The following SLCO6A1 variants were observed in gnomAD, a reference collection of about 807,000 sequenced individuals.
SLCO6A1 encodes the protein solute carrier organic anion transporter family member 6A1, also known as cancer/testis antigen 48.
SLCO6A1 carries 65 observed loss-of-function variants against 72.7 expected under a neutral mutation model. The ratio of observed to expected loss-of-function variants is 0.89; its 90% CI spans 0.73 to 1.10. The LOEUF (loss-of-function observed/expected upper bound fraction) is 1.10. Among genes scored for constraint, SLCO6A1 ranks in the 50% least tolerant of loss-of-function variants. SLCO6A1 has a pLI of 0.00. For synonymous variants in SLCO6A1, 314 were observed against 298.2 expected, an observed-to-expected ratio of 1.05 and a Z score of -0.55; for missense variants, 874 against 872.6, an observed-to-expected ratio of 1.00 and a Z score of -0.02.
chr5:102,458,393 C>G lies in SLCO6A1; in HGVS notation c.1120G>C (p.Ala374Pro). ...ATATTTTACTTTACCCAAAGAGCAGCACATAAATCCTTGATATTAGTTCCA... is the reference window on the plus strand; with the variant it reads ...ATATTTTACTTTACCCAAAGAGCAGGACATAAATCCTTGATATTAGTTCCA... The part of the protein sequence containing the change: ...KLGTNIKDLC[A>P]ALWILMKNPV... Residue 374 changes from alanine (A) to proline (P), a missense_variant, in exon 6 of 14, where the codon GCT (alanine) becomes CCT (proline). Transcript: ENST00000506729. 6.2e-7 allele frequency: 1 copy of G among 1,607,858 alleles called. No individual in the cohort carries two copies. The highest frequency in any genetic ancestry group is 8.5e-7 in the Non-Finnish European group (1 of 1,176,038).
In SLCO6A1 at chr5:102,459,662, T is replaced by C; in HGVS notation, c.1015A>G (p.Met339Val). 6.3e-7 allele frequency: 1 copy of C among 1,582,690 alleles called. No homozygotes were observed. The highest frequency in any genetic ancestry group is 8.5e-7 in the Non-Finnish European group (1 of 1,171,092). Residue 339 changes from methionine (M) to valine (V), a missense_variant, in exon 5 of 14, where the codon ATG becomes GTG. Physicochemically the swap from Met to Val is conservative, Grantham distance 21 (BLOSUM62 1). Coordinates refer to ENST00000506729, the MANE Select transcript of SLCO6A1 (RefSeq NM_173488.5). ...AATTACATTTTATAGTCACCTGGCA[T>C]ATTGTTTGGAAAGCATGACAATGGT... ...LIPLSCFPNN[M>V]PGSTRIKARK...
Position 102,419,743 on chromosome 5 carries a change from T to A in SLCO6A1, c.1472+83A>T, listed in dbSNP as rs144702517. The A allele has an allele frequency of 2.7e-3, 2,921 of 1,068,292 alleles. 3 individuals are homozygous for A. The highest frequency in any genetic ancestry group is 3.7e-3 in the Non-Finnish European group (2,714 of 735,146). The allele number at this position is 1,068,292 out of a possible 1,614,324, so 66.2% of individuals were successfully genotyped here. On this transcript the variant is annotated intron_variant, in intron 8 of 13. Transcript: ENST00000506729. ...AATAATTATATGAACATATAAGGGT[T>A]ACTGGATAGATAATTATTAATTGCC...
At chr5:102,404,048 C>A (rs1233060683) in intron 9 of SLCO6A1, among the ~76,000 whole-genome samples, 1 of 152,120 alleles carries the variant, frequency 6.6e-6, no homozygotes, top group Admixed American at 6.5e-5. Context: ...ATTCCTATAA[C>A]TTGCCAATTT....
At chr5:102,423,137 G>C (rs1321589975) in intron 7 of SLCO6A1, among the ~76,000 whole-genome samples, 1 of 151,986 alleles carries the variant, frequency 6.6e-6, no homozygotes, top group Admixed American at 6.6e-5. Flanking sequence ...ACTAAATATG[G>C]GAAGGAAAAA....
intron 6 of SLCO6A1, among the ~76,000 whole-genome samples, chr5:102,457,492 C>A (rs1323788794): frequency 6.6e-6 from 1 of 152,004 alleles, no homozygotes; most frequent in Non-Finnish European, 1.5e-5. Context: ...CCAAAAGACA[C>A]ATGAAAAAAT....
intron 6 of SLCO6A1, among the ~76,000 whole-genome samples, chr5:102,445,776 T>C (rs1750076098): frequency 3.3e-5 from 5 of 152,192 alleles, no homozygotes; most frequent in Admixed American, 3.3e-4. Flanking sequence ...CCAGTTTCAA[T>C]TCCACATATA....
At chr5:102,453,745 G>T (rs956045821) in intron 6 of SLCO6A1, among the ~76,000 whole-genome samples, 1 of 152,110 alleles carries the variant, frequency 6.6e-6, no homozygotes, top group South Asian at 2.1e-4. Flanking sequence ...GGCTTCCCAG[G>T]AGTCACCCTG....
chr5:102,498,442 G>T (rs527950889), intron 1 of SLCO6A1, 45 bp downstream of exon 1: 1 of 1,561,782 alleles, frequency 6.4e-7, no homozygotes, highest in African/African-American at 1.4e-5. Context: ...CGCCAGTGCG[G>T]CCCCAGCTGC....
At chr5:102,382,234 A>G (rs2060980134) in intron 12 of SLCO6A1, among the ~76,000 whole-genome samples, 1 of 151,690 alleles carries the variant, frequency 6.6e-6, no homozygotes, top group Admixed American at 6.6e-5. Context: ...TCTCTGTGCC[A>G]TTTATTGAAA....
At chr5:102,496,876 C>T (rs566165511) in intron 1 of SLCO6A1, among the ~76,000 whole-genome samples, 301 of 152,284 alleles carry the variant, frequency 2.0e-3, no homozygotes, top group Middle Eastern at 3.4e-3. Context: ...TTCATTAACT[C>T]GCTTCCCTAT....
rs752146262 is a variant in SLCO6A1 at position 102,475,806 on chromosome 5, C to T, written c.803-13G>A. On this transcript the variant is annotated splice_polypyrimidine_tract_variant and intron_variant, in intron 3 of 13. Coordinates refer to ENST00000506729, the MANE Select transcript of SLCO6A1 (RefSeq NM_173488.5). ...CATTCTGCAATACCTGTAAAATAAG[C>T]ACTGAAACTGAACATCAAACAATTT... 4.5e-6 allele frequency: 7 copies of T among 1,557,648 alleles called. No homozygotes were observed. The Admixed American group carries it at 1.3e-4, about 29-fold the overall frequency.
At chr5:102,453,488 A>G (rs567394720) in intron 6 of SLCO6A1, among the ~76,000 whole-genome samples, 79 of 152,296 alleles carry the variant, frequency 5.2e-4, no homozygotes, top group East Asian at 9.6e-4. Context: ...CTTTTTCTTT[A>G]TATGGGCCAC....
intron 1 of SLCO6A1, among the ~76,000 whole-genome samples, chr5:102,484,063 A>G (rs560009441): frequency 4.6e-5 from 7 of 152,310 alleles, no homozygotes; most frequent in Middle Eastern, 3.4e-3. Flanking sequence ...AAACTTTTCA[A>G]TGCAGTTAAA....
intron 4 of SLCO6A1, among the ~76,000 whole-genome samples, chr5:102,470,737 G>T (rs902880838): frequency 6.6e-6 from 1 of 151,920 alleles, no homozygotes; most frequent in Admixed American, 6.6e-5. Context: ...TTTCTCTTCT[G>T]GGCCTAGCTA....
intron 12 of SLCO6A1, 111 bp downstream of exon 12, chr5:102,388,577 A>G: frequency 2.4e-6 from 2 of 833,176 alleles, no homozygotes; most frequent in South Asian, 4.6e-5. Context: ...TTTACTCATC[A>G]AAGTACTTAT....
At chr5:102,399,038 A>T (rs1193903293) in intron 10 of SLCO6A1, among the ~76,000 whole-genome samples, 1 of 152,172 alleles carries the variant, frequency 6.6e-6, no homozygotes, top group Non-Finnish European at 1.5e-5. Flanking sequence ...TATGATACAA[A>T]TGAATATTAA....
At chr5:102,423,318 T>C (rs554036773) in intron 7 of SLCO6A1, among the ~76,000 whole-genome samples, 1 of 152,116 alleles carries the variant, frequency 6.6e-6, no homozygotes, top group African/African-American at 2.4e-5. Context: ...AATTAATAGA[T>C]ACAGAATGGC....
chr5:102,460,380 G>A (rs1750962140), intron 4 of SLCO6A1, among the ~76,000 whole-genome samples: 1 of 152,062 alleles, frequency 6.6e-6, no homozygotes, highest in African/African-American at 2.4e-5. Flanking sequence ...ATCTGCCTTT[G>A]TTCACCATAA....
rs149879818 is a variant in SLCO6A1, at chr5:102,433,457, A to T, written c.1276+5160T>A. Among the ~76,000 whole-genome samples the T allele has an allele frequency of 4.1e-3, 630 of 151,852 alleles. 10 individuals are homozygous for T. The highest frequency in any genetic ancestry group is 0.015 in the African/African-American group (606 of 41,394). The stretch of plus-strand genomic sequence containing the variant: ...TTTTTTTCTTTTATCCTATTTGATG[A>T]CCTTGAGGGTTTGCTTGTTGTATAA... On this transcript the variant is annotated intron_variant, in intron 7 of 13. Transcript: ENST00000506729.
Sources: allele counts gnomAD v4.1 joint callset (sites outside exome capture counted in the v4.1 genomes callset), GRCh38; gene constraint gnomAD v4.1.1; transcripts MANE v1.5; gene names NCBI Gene and HGNC (gene_info 2026-07-23, HGNC 2026-07-21).